Variants in DLC1 observed in about 807,000 individuals in gnomAD.
The protein encoded by DLC1 is DLC1 Rho GTPase activating protein.
A neutral mutation model predicts 140.3 loss-of-function variants in DLC1; 54 were observed. The ratio of observed to expected loss-of-function variants is 0.38; its 90% confidence interval spans 0.31 to 0.48. The LOEUF (loss-of-function observed/expected upper bound fraction) is 0.48. Among genes scored for constraint, DLC1 ranks in the 20% least tolerant of loss-of-function variants. The pLI is 0.96. For synonymous variants in DLC1, 986 were observed against 728.1 expected (o/e 1.35, Z -5.70); for missense variants, 2,536 against 1,907.0 (o/e 1.33, Z -6.14).
intron 1 of DLC1, among the ~76,000 whole-genome samples, chr8:13,539,114 A>C (rs1160220): frequency 0.47 from 71,071 of 151,882 alleles, 17,029 homozygotes; most frequent in Admixed American, 0.58. Flanking sequence ...GGTCATAATC[A>C]CTTTTTATCT....
chr8:13,269,600 G>A (rs1586042851), intron 5 of DLC1, among the ~76,000 whole-genome samples: 1 of 151,154 alleles, frequency 6.6e-6, no homozygotes, highest in African/African-American at 2.4e-5. Flanking sequence ...CTGCTGAGGG[G>A]AGGCTGAGGC....
chr8:13,404,473 T>C (rs1019356100), intron 2 of DLC1, among the ~76,000 whole-genome samples: 2 of 152,128 alleles, frequency 1.3e-5, no homozygotes, highest in Non-Finnish European at 2.9e-5. Context: ...GTCTTAGAAT[T>C]TGACTTGAAT....
intron 5 of DLC1, among the ~76,000 whole-genome samples, chr8:13,202,535 C>T (rs983258831): frequency 5.9e-5 from 9 of 152,154 alleles, no homozygotes; most frequent in Admixed American, 5.9e-4. Flanking sequence ...ATTTCTAAGC[C>T]TGCCTGTCTT....
chr8:13,518,836 C>A (rs540270926), upstream of DLC1, among the ~76,000 whole-genome samples: 18 of 151,946 alleles, frequency 1.2e-4, no homozygotes, highest in African/African-American at 1.7e-4. Context: ...GAAAATTATT[C>A]GTCTAAAAAT....
At chr8:13,244,054 G>A (rs1235758604) in intron 5 of DLC1, among the ~76,000 whole-genome samples, 3 of 152,142 alleles carry the variant, frequency 2.0e-5, no homozygotes, top group South Asian at 2.1e-4. Context: ...AACCTGGTGT[G>A]AAGCTTGACT....
intron 1 of DLC1, among the ~76,000 whole-genome samples, chr8:13,587,566 CACAG>C (rs1343770339): frequency 4.2e-5 from 6 of 142,378 alleles, no homozygotes; most frequent in Non-Finnish European, 6.1e-5. Flanking sequence ...CACACACACA[CACAG>C]AGAGAGAGAA....
chr8:13,491,072 C>T (rs1801215108), intron 2 of DLC1, among the ~76,000 whole-genome samples: 1 of 146,840 alleles, frequency 6.8e-6, no homozygotes, highest in Non-Finnish European at 1.5e-5. Context: ...GCAATTAAAT[C>T]TGAATATATA....
Position 13,499,432 on chromosome 8 carries a change from A to C in DLC1, c.640T>G (p.Leu214Val), listed in dbSNP as rs751036586. The change falls in exon 2 of 18, where the codon TTG becomes GTG. Residue 214 changes from leucine (L) to valine (V), a missense_variant. Coordinates refer to ENST00000276297, the MANE Select transcript of DLC1 (RefSeq NM_182643.3). The part of the protein sequence containing the change: ...DAPKVNAVDT[L>V]NVKDIAPEKQ... The stretch of plus-strand genomic sequence containing the variant: ...TCAGGTGCAATATCTTTCACGTTCA[A>C]AGTATCCACTGCATTTACTTTGGGT... 36 of 1,613,778 alleles carry C rather than the reference A, an allele frequency of 2.2e-5. No homozygotes were observed. The highest frequency in any genetic ancestry group is 3.1e-5 in the Non-Finnish European group (36 of 1,179,972).
chr8:13,347,054 T>C (rs10888061), intron 4 of DLC1, among the ~76,000 whole-genome samples: 49,046 of 152,110 alleles, frequency 0.32, 8,477 homozygotes, highest in East Asian at 0.4. Flanking sequence ...TGCCTAATTA[T>C]AAACTAAACT....
At chr8:13,570,005 C>T (rs1563447774) in intron 1 of DLC1, among the ~76,000 whole-genome samples, 1 of 152,210 alleles carries the variant, frequency 6.6e-6, no homozygotes, top group South Asian at 2.1e-4. Context: ...GGATTGCAGG[C>T]ACGAGCCACT....
intron 4 of DLC1, among the ~76,000 whole-genome samples, chr8:13,332,472 C>T (rs1316242387): frequency 6.7e-6 from 1 of 149,974 alleles, no homozygotes; most frequent in African/African-American, 2.5e-5. Context: ...GCTGTTTTGC[C>T]CAGACTGGAG....
Position 13,466,572 on chromosome 8 carries a change from G to A in DLC1, c.1023+32477C>T, listed in dbSNP as rs577182723. 1.6e-4 allele frequency among the ~76,000 whole-genome samples: 25 copies of A among 152,262 alleles called. No individual in the cohort carries two copies. In the South Asian group the frequency reaches 2.1e-3, roughly 13 times the overall value. On this transcript the variant is annotated intron_variant, in intron 2 of 17. Coordinates refer to ENST00000276297, the MANE Select transcript of DLC1 (RefSeq NM_182643.3). ...AGGTCAGATACTTAGATACTAGGCC[G>A]TCTACCTAATGAAGTATCCCATGGA... is the stretch of plus-strand genomic sequence containing the variant.
intron 1 of DLC1, among the ~76,000 whole-genome samples, chr8:13,551,691 T>C (rs1803857635): frequency 6.6e-6 from 1 of 151,918 alleles, no homozygotes; most frequent in Non-Finnish European, 1.5e-5. Context: ...TGAAAAACTT[T>C]TGGCAAGGCA....
At chr8:13,306,299 G>A (rs1219146038) in intron 4 of DLC1, among the ~76,000 whole-genome samples, 2 of 152,176 alleles carry the variant, frequency 1.3e-5, no homozygotes, top group African/African-American at 4.8e-5. Context: ...AAGCTTAACT[G>A]TCTAGTTCTA....
chr8:13,216,424 T>G (rs986104149), intron 5 of DLC1, among the ~76,000 whole-genome samples: 1 of 152,072 alleles, frequency 6.6e-6, no homozygotes, highest in African/African-American at 2.4e-5. Flanking sequence ...TAGTCACTGC[T>G]TCCTTTCATG....
At chr8:13,413,894 A>C (rs1837925481) in intron 2 of DLC1, among the ~76,000 whole-genome samples, 1 of 152,172 alleles carries the variant, frequency 6.6e-6, no homozygotes, top group South Asian at 2.1e-4. Flanking sequence ...GTGAGAACAG[A>C]CTAATACAAC....
At chr8:13,409,159 T>G (rs1051453995) in intron 2 of DLC1, among the ~76,000 whole-genome samples, 1 of 152,172 alleles carries the variant, frequency 6.6e-6, no homozygotes, top group Non-Finnish European at 1.5e-5. Context: ...TTGTAGTTAT[T>G]ATTTTTACCA....
At chr8:13,405,606 A>G (rs2128072) in intron 2 of DLC1, among the ~76,000 whole-genome samples, 10,456 of 152,178 alleles carry the variant, frequency 0.069, 1,200 homozygotes, top group African/African-American at 0.24. Context: ...CGAGTTCTAC[A>G]TGTTGGTTTC....
At chr8:13,406,181 G>GTTTTTTTTTTT (rs77753653) in intron 2 of DLC1, among the ~76,000 whole-genome samples, 2,319 of 84,748 alleles carry the variant, frequency 0.027, 354 homozygotes, top group African/African-American at 0.063. Flanking sequence ...TAATTTTTGT[G>GTTTTTTTTTTT]TTTTTTTTTT....
Sources: allele counts gnomAD v4.1 joint callset (sites outside exome capture counted in the v4.1 genomes callset), GRCh38; gene constraint gnomAD v4.1.1; transcripts MANE v1.5; gene names NCBI Gene and HGNC (gene_info 2026-07-23, HGNC 2026-07-21).